The following PATJ variants were observed in gnomAD, a reference collection of about 807,000 sequenced individuals.
PATJ encodes PATJ crumbs cell polarity complex component, also known as inaD-like protein.
A neutral mutation model predicts 224.9 loss-of-function variants in PATJ; 190 were observed. The ratio of observed to expected loss-of-function variants is 0.84; its 90% CI spans 0.75 to 0.95. PATJ has a LOEUF of 0.95. Among genes scored for constraint, PATJ ranks in the 40% least tolerant of loss-of-function variants. The pLI, the probability that PATJ is intolerant of heterozygous loss-of-function variation, is 0.00. For synonymous variants in PATJ, 769 were observed against 820.3 expected, an observed-to-expected ratio of 0.94 and a Z score of 1.07; for missense variants, 2,121 against 2,270.3, an observed-to-expected ratio of 0.93 and a Z score of 1.34.
At chr1:61,985,815 C>T (rs966443811) in intron 27 of PATJ, among the ~76,000 whole-genome samples, 3 of 152,002 alleles carry the variant, frequency 2.0e-5, no homozygotes, top group African/African-American at 7.3e-5. Context: ...CTTCTTTCTT[C>T]CTTAAGTCTC....
At chr1:61,804,418 A>G (rs548510847) in intron 12 of PATJ, among the ~76,000 whole-genome samples, 14 of 152,234 alleles carry the variant, frequency 9.2e-5, no homozygotes, top group African/African-American at 3.4e-4. Flanking sequence ...GTTTCACTTA[A>G]TGATTTGTAT....
intron 30 of PATJ, chr1:62,038,968 A>G (rs1200106990): frequency 1.5e-6 from 2 of 1,374,170 alleles, no homozygotes; most frequent in Non-Finnish European, 2.1e-6. Context: ...TGCTGGAGTG[A>G]TATCTGTTCT....
rs1669968294 is a variant in PATJ at position 62,163,319 on chromosome 1, AGCT to A, written c.*2266_*2268del. 6.5e-6 allele frequency: 1 copy of A among 152,706 alleles called. No individual in the cohort carries two copies. The highest frequency in any genetic ancestry group is 6.5e-5 in the Admixed American group (1 of 15,272). The allele number at this position is 152,706 out of a possible 1,614,324, so 9.5% of individuals were successfully genotyped here. On this transcript the variant is annotated 3_prime_UTR_variant, in exon 44 of 44. Coordinates refer to ENST00000642238, the MANE Select transcript of PATJ (RefSeq NM_001350145.3). ...GGATCTCATTCTTCAGTGCATGAAAAGCTACTACCCTCAGAACATTTTGTGTTA... is the reference window on the plus strand; with the variant it reads ...GGATCTCATTCTTCAGTGCATGAAAAACTACCCTCAGAACATTTTGTGTTA...
intron 7 of PATJ, among the ~76,000 whole-genome samples, chr1:61,777,034 A>C (rs879849669): frequency 6.6e-6 from 1 of 152,030 alleles, no homozygotes; most frequent in African/African-American, 2.4e-5. Flanking sequence ...CAAATCTGCT[A>C]CTTTTTTATG....
chr1:61,852,683 A>T (rs1032673840), intron 17 of PATJ: 1 of 152,218 alleles, frequency 6.6e-6, no homozygotes, highest in Non-Finnish European at 1.5e-5. Context: ...TTGCTATAAC[A>T]TGCACATAAT....
chr1:61,797,607 G>C (rs1651611681), intron 11 of PATJ, among the ~76,000 whole-genome samples, 179 bp downstream of exon 11: 1 of 152,198 alleles, frequency 6.6e-6, no homozygotes, highest in African/African-American at 2.4e-5. Flanking sequence ...TGCTTACTAT[G>C]TCAGTCAGAA....
chr1:61,751,448 C>T (rs572745399), intron 1 of PATJ, among the ~76,000 whole-genome samples: 6 of 152,206 alleles, frequency 3.9e-5, no homozygotes, highest in Non-Finnish European at 7.4e-5. Context: ...GCTACATGAT[C>T]AGAGACCTCT....
chr1:62,008,793 A>G (rs1310134938), intron 28 of PATJ, among the ~76,000 whole-genome samples: 1 of 152,190 alleles, frequency 6.6e-6, no homozygotes, highest in Non-Finnish European at 1.5e-5. Context: ...CAACATAAAT[A>G]AAGTAGGCTG....
chr1:62,121,342 TA>T (rs5774582), intron 38 of PATJ, 47 bp downstream of exon 38: 7,333 of 834,500 alleles, frequency 8.8e-3, no homozygotes, highest in Non-Finnish European at 0.01. Context: ...TTACCCAAAT[TA>T]AAAAAAAAAA....
chr1:61,827,375 T>G (rs374487588), intron 15 of PATJ, 47 bp from the exon 16 acceptor site: 1 of 1,472,316 alleles, frequency 6.8e-7, no homozygotes, highest in African/African-American at 1.4e-5. Flanking sequence ...TTTTTGTTTT[T>G]TCATTTGGGG....
At chr1:61,877,386 C>T (rs1667479385) in intron 21 of PATJ, among the ~76,000 whole-genome samples, 2 of 151,774 alleles carry the variant, frequency 1.3e-5, no homozygotes, top group Non-Finnish European at 2.9e-5. Context: ...AAATTTCCTC[C>T]ATTCCTCTCC....
intron 28 of PATJ, among the ~76,000 whole-genome samples, chr1:62,015,133 C>G (rs1344687903): frequency 1.3e-5 from 2 of 151,766 alleles, no homozygotes; most frequent in South Asian, 2.1e-4. Context: ...AACCCCATCT[C>G]TACTAAAAAT....
chr1:61,785,763 C>A (rs1343941038), intron 7 of PATJ, among the ~76,000 whole-genome samples: 1 of 152,072 alleles, frequency 6.6e-6, no homozygotes, highest in Non-Finnish European at 1.5e-5. Flanking sequence ...TGAACAGATA[C>A]TCATTTTGAT....
At chr1:61,860,791 C>T (rs2148933088) in intron 18 of PATJ, among the ~76,000 whole-genome samples, 1 of 151,198 alleles carries the variant, frequency 6.6e-6, no homozygotes, top group Non-Finnish European at 1.5e-5. Flanking sequence ...TACACCACTG[C>T]ACTCCAGTCT....
chr1:61,817,649 G>A (rs879945698), intron 14 of PATJ, among the ~76,000 whole-genome samples: 1 of 152,156 alleles, frequency 6.6e-6, no homozygotes, highest in Non-Finnish European at 1.5e-5. Context: ...CAACAAGAGC[G>A]AAACTCTGTC....
At chr1:62,074,905 A>T (rs537841686) in intron 31 of PATJ, among the ~76,000 whole-genome samples, 1 of 152,304 alleles carries the variant, frequency 6.6e-6, no homozygotes, top group African/African-American at 2.4e-5. Flanking sequence ...CGGAGGTTGC[A>T]GTGAGCTGAG....
intron 27 of PATJ, among the ~76,000 whole-genome samples, chr1:61,929,371 T>A (rs1015377818): frequency 6.6e-6 from 1 of 152,214 alleles, no homozygotes; most frequent in African/African-American, 2.4e-5. Flanking sequence ...TCACACTTGC[T>A]TATCTATGTG....
chr1:62,097,293 A>G (rs1180369715), intron 33 of PATJ, among the ~76,000 whole-genome samples: 1 of 151,992 alleles, frequency 6.6e-6, no homozygotes, highest in Non-Finnish European at 1.5e-5. Flanking sequence ...GAAACTGGCT[A>G]TATGTGCTGT....
chr1:61,761,992 T>A (rs1025856365), intron 1 of PATJ, among the ~76,000 whole-genome samples: 2 of 152,136 alleles, frequency 1.3e-5, no homozygotes, highest in Non-Finnish European at 2.9e-5. Flanking sequence ...CCGGCCACTC[T>A]GTCTTTTGAG....
Sources: gnomAD v4.1 joint callset for allele counts (sites outside exome capture counted in the v4.1 genomes callset) on GRCh38, gnomAD v4.1.1 for gene constraint, MANE v1.5 for transcripts, NCBI Gene and HGNC (gene_info 2026-07-23, HGNC 2026-07-21) for gene names.